STK32A: variants seen among roughly 807,000 people sequenced by gnomAD.
STK32A encodes the protein serine/threonine-protein kinase 32A.
In STK32A, 41 loss-of-function variants were observed where a neutral mutation model predicts 53.2. That is an observed-to-expected ratio of 0.77 (90% CI 0.60 to 1.00). The LOEUF is 1.00. Among genes scored for constraint, STK32A ranks in the 50% least tolerant of loss-of-function variants. The pLI is 0.00. For missense variants in STK32A, 458 were observed against 485.8 expected (o/e 0.94, Z 0.54); for synonymous variants, 166 against 162.8 (o/e 1.02, Z -0.15).
At chr5:147,259,026 T>C (rs182448400) in intron 2 of STK32A, among the ~76,000 whole-genome samples, 103 of 152,312 alleles carry the variant, frequency 6.8e-4, no homozygotes, top group Non-Finnish European at 8.7e-4. Context: ...ACTCTGCTTC[T>C]ACAAGTGTTT....
chr5:147,315,398 A>G (rs554081644), intron 4 of STK32A, among the ~76,000 whole-genome samples: 1 of 152,336 alleles, frequency 6.6e-6, no homozygotes, highest in African/African-American at 2.4e-5. Context: ...CAGCCTTATA[A>G]AGGAGTAAAA....
chr5:147,256,419 A>G (rs1488950576), intron 2 of STK32A, among the ~76,000 whole-genome samples: 2 of 152,220 alleles, frequency 1.3e-5, no homozygotes, highest in Non-Finnish European at 1.5e-5. Context: ...AAAGGGGACA[A>G]TCTGGAATAC....
the STK32A span, among the ~76,000 whole-genome samples, chr5:147,397,183 TATATATAC>T: frequency 6.7e-6 from 1 of 148,230 alleles, no homozygotes; most frequent in East Asian, 2.0e-4. Context: ...CCTATATATA[TATATATAC>T]ACACATATCT....
At chr5:147,306,854 T>C (rs1753433379) in intron 4 of STK32A, among the ~76,000 whole-genome samples, 1 of 151,892 alleles carries the variant, frequency 6.6e-6, no homozygotes, top group African/African-American at 2.4e-5. Flanking sequence ...GTAGGGAAAG[T>C]GTCTAGAAAA....
the STK32A span, chr5:147,401,576 G>T: frequency 6.2e-7 from 1 of 1,613,630 alleles, no homozygotes; most frequent in African/African-American, 1.3e-5. Context: ...CGGAGTAGTT[G>T]GGTCAGGGCT....
chr5:147,321,801 CTGTA>C (rs1754333989), intron 4 of STK32A, among the ~76,000 whole-genome samples: 1 of 152,204 alleles, frequency 6.6e-6, no homozygotes, highest in African/African-American at 2.4e-5. Flanking sequence ...CACATCTGCT[CTGTA>C]TGCTAACCCG....
intron 4 of STK32A, among the ~76,000 whole-genome samples, chr5:147,314,262 C>T (rs1022551276): frequency 6.6e-6 from 1 of 152,066 alleles, no homozygotes; most frequent in African/African-American, 2.4e-5. Context: ...AATCGGGAGG[C>T]CAAGGTGGGT....
chr5:147,261,858 A>G (rs913833475), intron 2 of STK32A, among the ~76,000 whole-genome samples: 5 of 151,406 alleles, frequency 3.3e-5, no homozygotes, highest in African/African-American at 9.7e-5. Context: ...AAAGGCATGT[A>G]TTCACCAAAG....
At position 147,326,574 on chromosome 5, in the gene STK32A, TG is replaced by T. The variant is rs567345181; in HGVS notation, c.434+2504del. Among the ~76,000 whole-genome samples, 350 of 152,318 alleles carry T rather than the reference TG, an allele frequency of 2.3e-3. 1 individual carries two copies. Among genetic ancestry groups the T allele is most frequent in the African/African-American group, 7.7e-3 (320 of 41,578 alleles). ...CCTTTATAAAATTGTGAACTCTGCA[TG>T]TTTTGCTTTTCATTGTATAACCAGT... On this transcript the variant is annotated intron_variant, in intron 5 of 12. Transcript: ENST00000397936.
At chr5:147,292,962 C>A (rs1300222745) in intron 4 of STK32A, among the ~76,000 whole-genome samples, 1 of 152,098 alleles carries the variant, frequency 6.6e-6, no homozygotes, top group Non-Finnish European at 1.5e-5. Context: ...AACTGATGAA[C>A]TTTTATATTA....
At chr5:147,346,455 T>C (rs560407053) in intron 6 of STK32A, among the ~76,000 whole-genome samples, 1 of 152,336 alleles carries the variant, frequency 6.6e-6, no homozygotes, top group African/African-American at 2.4e-5. Flanking sequence ...ACTTTTATTC[T>C]TACTGACTCA....
At chr5:147,366,151 A>C (rs1474377505) in intron 8 of STK32A, among the ~76,000 whole-genome samples, 2 of 152,096 alleles carry the variant, frequency 1.3e-5, no homozygotes, top group Admixed American at 6.6e-5. Context: ...GAATTAGGTC[A>C]ACGTTTCAGA....
the STK32A span, chr5:147,393,745 C>G: frequency 5.1e-6 from 2 of 393,262 alleles, no homozygotes; most frequent in Non-Finnish European, 9.5e-6. Flanking sequence ...CACACGCTCT[C>G]AACACTATGA....
chr5:147,345,391 G>A (rs1755634073), intron 6 of STK32A, among the ~76,000 whole-genome samples: 1 of 152,090 alleles, frequency 6.6e-6, no homozygotes, highest in Non-Finnish European at 1.5e-5. Context: ...TTCTTCTGAG[G>A]CAGTCATGGC....
intron 4 of STK32A, among the ~76,000 whole-genome samples, chr5:147,316,054 C>G (rs1412443411): frequency 6.6e-6 from 1 of 152,102 alleles, no homozygotes. Flanking sequence ...ATCCTAATAA[C>G]AAGAAAGAAC....
intron 2 of STK32A, among the ~76,000 whole-genome samples, chr5:147,262,356 C>T (rs1754613810): frequency 6.6e-6 from 1 of 152,200 alleles, no homozygotes; most frequent in Admixed American, 6.5e-5. Context: ...GAATATATGT[C>T]TAAAAATGAT....
At position 147,385,518 on chromosome 5, in the gene STK32A, C is replaced by G. The variant is rs1261368536; in HGVS notation, c.*1535C>G. 2.0e-5 allele frequency: 3 copies of G among 152,204 alleles called. No homozygotes were observed. The highest frequency in any genetic ancestry group is 4.4e-5 in the Non-Finnish European group (3 of 68,030). The allele number at this position is 152,204 out of a possible 1,614,324, so 9.4% of individuals were successfully genotyped here. A position where few individuals can be genotyped will look rare whatever the true frequency, so the allele number is the denominator to read the frequency against. On this transcript the variant is annotated 3_prime_UTR_variant, in exon 13 of 13. Transcript: ENST00000397936. Reference sequence around the variant, plus strand: ...ATGGAGACTAAGGGAACAGTGGTATCATGTCTCCCTTCTCCCTTGTGCTTA... The same window carrying G: ...ATGGAGACTAAGGGAACAGTGGTATGATGTCTCCCTTCTCCCTTGTGCTTA...
chr5:147,397,713 T>C, the STK32A span: 2 of 1,614,188 alleles, frequency 1.2e-6, no homozygotes, highest in East Asian at 2.2e-5. Flanking sequence ...GAGAACGGGC[T>C]GCAGGGTATG....
rs189158054 is a variant in STK32A, at chr5:147,312,389, C to T, written c.261-11509C>T. ...AAAGTGCTGGGATTACAGGTGTGAA[C>T]CACTGCCCCCGGCCTGAACACTTAC... On this transcript the variant is annotated intron_variant, in intron 4 of 12. Transcript: ENST00000397936. 5.9e-5 allele frequency among the ~76,000 whole-genome samples: 9 copies of T among 152,284 alleles called. No individual in the cohort carries two copies. In the South Asian group the frequency reaches 8.3e-4, roughly 14 times the overall value.
Sources: gnomAD v4.1 joint callset for allele counts (sites outside exome capture counted in the v4.1 genomes callset) on GRCh38, gnomAD v4.1.1 for gene constraint, MANE v1.5 for transcripts, NCBI Gene and HGNC (gene_info 2026-07-23, HGNC 2026-07-21) for gene names.